The following MINDY2 variants were observed in gnomAD, a reference collection of about 807,000 sequenced individuals.
MINDY2 encodes MINDY lysine 48 deubiquitinase 2.
In MINDY2, 52 loss-of-function variants were observed where a neutral mutation model predicts 68.2. The observed-to-expected ratio is 0.76, with a 90% CI of 0.61 to 0.96. The LOEUF is 0.96. Ranked by LOEUF, MINDY2 falls within the 40% of genes least tolerant of loss-of-function variation. MINDY2 has a pLI of 0.00. For missense variants in MINDY2, 881 were observed against 773.4 expected (o/e 1.14, Z -1.65); for synonymous variants, 372 against 303.0 (o/e 1.23, Z -2.36).
chr15:58,798,725 G>A (rs1312177693), intron 2 of MINDY2, among the ~76,000 whole-genome samples: 2 of 152,088 alleles, frequency 1.3e-5, no homozygotes, highest in Non-Finnish European at 2.9e-5. Context: ...CAAAGTGCTG[G>A]GATTACAGAC....
At chr15:58,774,593 T>G (rs182691466) in intron 1 of MINDY2, among the ~76,000 whole-genome samples, 1 of 151,910 alleles carries the variant, frequency 6.6e-6, no homozygotes, top group Admixed American at 6.5e-5. Flanking sequence ...AAACAATAAT[T>G]ACAGTGCAAT....
At chr15:58,794,727 T>G (rs1349927180) in intron 2 of MINDY2, among the ~76,000 whole-genome samples, 2 of 152,058 alleles carry the variant, frequency 1.3e-5, no homozygotes, top group African/African-American at 4.8e-5. Context: ...TTAAGAGAAC[T>G]GCATTGTCGT....
intron 6 of MINDY2, among the ~76,000 whole-genome samples, chr15:58,845,961 G>A (rs142719663): frequency 2.0e-4 from 31 of 152,164 alleles, no homozygotes; most frequent in Non-Finnish European, 4.3e-4. Flanking sequence ...GACACACTTC[G>A]CATGTTCTTT....
chr15:58,795,458 T>G (rs1411450345), intron 2 of MINDY2, among the ~76,000 whole-genome samples: 1 of 152,114 alleles, frequency 6.6e-6, no homozygotes, highest in Non-Finnish European at 1.5e-5. Flanking sequence ...CAGGCTGGAG[T>G]GCAGTGGCGC....
chr15:58,811,693 T>G (rs1466387436), intron 4 of MINDY2, among the ~76,000 whole-genome samples: 2 of 152,224 alleles, frequency 1.3e-5, no homozygotes, highest in Non-Finnish European at 2.9e-5. Context: ...TCCCACTTTC[T>G]GATTTCCTCT....
chr15:58,775,774 T>A (rs1900734698), intron 1 of MINDY2, among the ~76,000 whole-genome samples: 2 of 152,184 alleles, frequency 1.3e-5, no homozygotes, highest in Admixed American at 1.3e-4. Context: ...TTGTGTTGAG[T>A]TGGAAATGTC....
At position 58,860,939 on chromosome 15, in the gene MINDY2, C is replaced by G. The variant is rs2033202332; in HGVS notation, c.*6329C>G. 1 of 148,274 alleles carries G rather than the reference C, an allele frequency of 6.7e-6. No homozygotes were observed. Among genetic ancestry groups the G allele is most frequent in the African/African-American group, 2.4e-5 (1 of 41,216 alleles). The allele number at this position is 148,274 out of a possible 1,614,324, so 9.2% of individuals were successfully genotyped here. ...GCCCTCAGAGGTTTTTGTTAAAAGA[C>G]TATCTTGCTTAATAAATGACAGCTT... On this transcript the variant is annotated 3_prime_UTR_variant, in exon 9 of 9. Transcript: ENST00000559228.
chr15:58,837,146 G>T (rs1220548928), intron 6 of MINDY2, among the ~76,000 whole-genome samples: 2 of 152,124 alleles, frequency 1.3e-5, no homozygotes, highest in Non-Finnish European at 2.9e-5. Context: ...AGAGAGGATT[G>T]TGCCTTTGTT....
Position 58,854,800 on chromosome 15 carries a change from T to C in MINDY2, c.*190T>C, listed in dbSNP as rs1397922998. 9 of 452,272 alleles carry C rather than the reference T, an allele frequency of 2.0e-5. No individual in the cohort carries two copies. The highest frequency in any genetic ancestry group is 5.9e-5 in the African/African-American group (3 of 50,766). 28.0% of individuals were successfully genotyped at this position (452,272 alleles called of 1,614,324 possible). On this transcript the variant is annotated 3_prime_UTR_variant, in exon 9 of 9. Coordinates refer to ENST00000559228, the MANE Select transcript of MINDY2 (RefSeq NM_001040450.3). ...GTCACACAATACACTCTTTATGAGC[T>C]GGAGTTTCATGTTACAAGTTGGAAA...
chr15:58,852,658 C>T (rs1369756130), intron 8 of MINDY2, among the ~76,000 whole-genome samples: 1 of 152,114 alleles, frequency 6.6e-6, no homozygotes, highest in Admixed American at 6.6e-5. Flanking sequence ...TCCTCTACCT[C>T]TCTTAGCCTC....
intron 2 of MINDY2, among the ~76,000 whole-genome samples, chr15:58,788,206 G>C (rs980754973): frequency 2.0e-5 from 3 of 152,090 alleles, no homozygotes; most frequent in African/African-American, 7.2e-5. Context: ...TAGAAAACAA[G>C]ATACATCTTA....
intron 6 of MINDY2, among the ~76,000 whole-genome samples, chr15:58,837,778 C>T (rs2032070067): frequency 6.6e-6 from 1 of 151,490 alleles, no homozygotes; most frequent in South Asian, 2.1e-4. Context: ...CCAGCATGGA[C>T]AATGAAGTAA....
chr15:58,852,680 C>T (rs1267348825), intron 8 of MINDY2, among the ~76,000 whole-genome samples: 2 of 152,100 alleles, frequency 1.3e-5, no homozygotes, highest in Non-Finnish European at 2.9e-5. Context: ...TTTTCCCTAT[C>T]TGTAAAATAG....
rs772195560 is a variant in MINDY2 at position 58,831,742 on chromosome 15, C to A, written c.1226-32C>A. 3.2e-6 allele frequency: 5 copies of A among 1,553,658 alleles called. No individual in the cohort carries two copies. In the South Asian group the frequency reaches 3.7e-5, roughly 11 times the overall value. The stretch of plus-strand genomic sequence containing the variant: ...ATAACTTTTTGATTTTGAAATTATT[C>A]TTCTATCTAATGTTATGCATTGGTT... On this transcript the variant is annotated intron_variant, in intron 5 of 8. Transcript: ENST00000559228.
At chr15:58,810,020 G>A (rs774390885) in intron 3 of MINDY2, among the ~76,000 whole-genome samples, 3 of 151,992 alleles carry the variant, frequency 2.0e-5, no homozygotes, top group Non-Finnish European at 4.4e-5. Context: ...CAAGTGATCC[G>A]CCCACCTCAG....
At chr15:58,781,908 GA>G (rs1230703601) in intron 1 of MINDY2, among the ~76,000 whole-genome samples, 15 of 140,252 alleles carry the variant, frequency 1.1e-4, no homozygotes, top group South Asian at 6.7e-4. Flanking sequence ...TCTCAAAAAA[GA>G]AAAAAAAAAG....
At chr15:58,819,196 C>A (rs1027720271) in intron 4 of MINDY2, among the ~76,000 whole-genome samples, 2 of 152,294 alleles carry the variant, frequency 1.3e-5, no homozygotes, top group South Asian at 2.1e-4. Flanking sequence ...CGCCTGTGAT[C>A]CCAACATTTT....
chr15:58,831,742 C>T (rs772195560), intron 5 of MINDY2, 32 bp from the exon 6 acceptor site: 2 of 1,553,660 alleles, frequency 1.3e-6, no homozygotes, highest in Admixed American at 2.1e-5. Context: ...TGAAATTATT[C>T]TTCTATCTAA....
At chr15:58,797,673 CT>C (rs1213403359) in intron 2 of MINDY2, among the ~76,000 whole-genome samples, 3 of 152,188 alleles carry the variant, frequency 2.0e-5, no homozygotes, top group Non-Finnish European at 4.4e-5. Context: ...TATCTTCATT[CT>C]GGCTCTACTT....
Sources: gnomAD v4.1 joint callset for allele counts (sites outside exome capture counted in the v4.1 genomes callset) on GRCh38, gnomAD v4.1.1 for gene constraint, MANE v1.5 for transcripts, NCBI Gene and HGNC (gene_info 2026-07-23, HGNC 2026-07-21) for gene names.